SLC8A1: variants seen among roughly 807,000 people sequenced by gnomAD.
SLC8A1 encodes solute carrier family 8 member A1.
In SLC8A1, 18 loss-of-function variants were observed where a neutral mutation model predicts 68.3. The observed-to-expected ratio is 0.26, with a 90% CI of 0.18 to 0.39. The LOEUF (loss-of-function observed/expected upper bound fraction) is 0.39. SLC8A1 is among the 10% of genes least tolerant of loss of function. The pLI, the probability that SLC8A1 is intolerant of heterozygous loss-of-function variation, is 1.00. For missense variants in SLC8A1, 985 were observed against 1,156.7 expected, an observed-to-expected ratio of 0.85 and a Z score of 2.15; for synonymous variants, 475 against 415.5, an observed-to-expected ratio of 1.14 and a Z score of -1.74.
chr2:40,313,734 C>T (rs921310172), intron 2 of SLC8A1, among the ~76,000 whole-genome samples: 2 of 151,998 alleles, frequency 1.3e-5, no homozygotes, highest in Admixed American at 1.3e-4. Context: ...CTACTCTATT[C>T]AGTGTGCATT....
chr2:40,214,442 T>A (rs1344580763), intron 2 of SLC8A1, among the ~76,000 whole-genome samples: 3 of 151,778 alleles, frequency 2.0e-5, no homozygotes. Flanking sequence ...TATCTTTTTT[T>A]TTTTTTTTCC....
chr2:40,305,500 G>A (rs1434869806), intron 2 of SLC8A1, among the ~76,000 whole-genome samples: 1 of 152,116 alleles, frequency 6.6e-6, no homozygotes, highest in East Asian at 1.9e-4. Context: ...ATAACTGAGA[G>A]GATGGATCAA....
At chr2:40,507,893 T>C (rs1391720395) in intron 1 of SLC8A1, among the ~76,000 whole-genome samples, 2 of 152,120 alleles carry the variant, frequency 1.3e-5, no homozygotes, top group Admixed American at 6.6e-5. Flanking sequence ...CATAGATTTG[T>C]CTGAATCTAG....
intron 2 of SLC8A1, among the ~76,000 whole-genome samples, chr2:40,344,586 G>A (rs988249666): frequency 6.6e-6 from 1 of 152,118 alleles, no homozygotes; most frequent in Non-Finnish European, 1.5e-5. Context: ...ATGTCTGGGA[G>A]AAATGTACTC....
At chr2:40,364,470 G>C (rs576672438) in intron 2 of SLC8A1, among the ~76,000 whole-genome samples, 1 of 149,498 alleles carries the variant, frequency 6.7e-6, no homozygotes, top group Admixed American at 6.7e-5. Context: ...ACAATTAGAA[G>C]ATTTCTATGA....
chr2:40,419,606 C>T (rs1398319988), intron 2 of SLC8A1, among the ~76,000 whole-genome samples: 4 of 152,056 alleles, frequency 2.6e-5, no homozygotes, highest in African/African-American at 7.2e-5. Flanking sequence ...ATCCCAGGAA[C>T]ACAGATATAC....
intron 2 of SLC8A1, among the ~76,000 whole-genome samples, chr2:40,282,759 T>A (rs1445406171): frequency 6.6e-6 from 1 of 152,144 alleles, no homozygotes; most frequent in Non-Finnish European, 1.5e-5. Context: ...TCCTGCCCAG[T>A]AACAGAGAAC....
At chr2:40,143,854 GA>G (rs1274612247) in intron 6 of SLC8A1, among the ~76,000 whole-genome samples, 1 of 152,148 alleles carries the variant, frequency 6.6e-6, no homozygotes, top group Non-Finnish European at 1.5e-5. Flanking sequence ...CTGATAACCA[GA>G]AAAAGAGACT....
At chr2:40,115,383 G>A (rs754036235) in exon 8 of SLC8A1, 23 of 1,614,004 alleles carry the variant, frequency 1.4e-5, no homozygotes, top group African/African-American at 2.7e-5. Context: ...TCCGATTTCT[G>A]GCCTCCGCCG....
intron 6 of SLC8A1, among the ~76,000 whole-genome samples, chr2:40,141,246 A>G (rs1036292276): frequency 2.6e-5 from 4 of 152,200 alleles, no homozygotes; most frequent in African/African-American, 7.2e-5. Context: ...TGTGGTAGGC[A>G]AGCCATTGGG....
intron 2 of SLC8A1, among the ~76,000 whole-genome samples, chr2:40,314,162 T>C (rs1055841180): frequency 1.3e-5 from 2 of 152,124 alleles, no homozygotes; most frequent in Admixed American, 1.3e-4. Flanking sequence ...CAGATACATT[T>C]GGAATTTGTG....
At chr2:40,288,227 A>G (rs2068653437) in intron 2 of SLC8A1, among the ~76,000 whole-genome samples, 1 of 152,190 alleles carries the variant, frequency 6.6e-6, no homozygotes, top group African/African-American at 2.4e-5. Flanking sequence ...TTTCACACAT[A>G]TGACCTGAAA....
chr2:40,382,667 C>CTGAAAT (rs113352827), intron 2 of SLC8A1, among the ~76,000 whole-genome samples: 19 of 151,460 alleles, frequency 1.3e-4, no homozygotes, highest in African/African-American at 4.6e-4. Context: ...ACCATCTAAA[C>CTGAAAT]TGAAAATCGT....
chr2:40,130,269 TG>T (rs1402596958), intron 7 of SLC8A1, among the ~76,000 whole-genome samples: 1 of 152,240 alleles, frequency 6.6e-6, no homozygotes, highest in Non-Finnish European at 1.5e-5. Flanking sequence ...CAGGCAGTTA[TG>T]GTGCCATTTA....
At position 40,462,449 on chromosome 2, in the gene SLC8A1, T is replaced by C. The variant is rs558403046; in HGVS notation, c.-24-32145A>G. On this transcript the variant is annotated intron_variant, in intron 1 of 7. Coordinates refer to the SLC8A1 transcript ENST00000402441. ...TAGTGTTAGAAAAATACCTAATGAA[T>C]TTCCTGACAAGTTGGGAATCTTTTC... is the stretch of plus-strand genomic sequence containing the variant. Among the ~76,000 whole-genome samples the C allele has an allele frequency of 5.3e-5, 8 of 152,186 alleles. 1 individual carries two copies. The South Asian group carries it at 1.7e-3, about 32-fold the overall frequency.
At chr2:40,177,622 A>G (rs2048710790) in intron 3 of SLC8A1, 4 of 563,242 alleles carry the variant, frequency 7.1e-6, no homozygotes, top group Non-Finnish European at 1.3e-5. Context: ...TGAAATTGCT[A>G]AAGCTTCAAA....
At position 40,174,631 on chromosome 2, in the gene SLC8A1, C is replaced by T. The variant is rs945267385; in HGVS notation, c.1930+194G>A. 21 of 1,290,724 alleles carry T rather than the reference C, an allele frequency of 1.6e-5. No homozygotes were observed. In the Admixed American group the frequency reaches 3.5e-4, roughly 22 times the overall value. The allele number at this position is 1,290,724 out of a possible 1,614,324, so 80.0% of individuals were successfully genotyped here. A position where few individuals can be genotyped will look rare whatever the true frequency, so the allele number is the denominator to read the frequency against. On this transcript the variant is annotated intron_variant, in intron 4 of 7. Coordinates refer to ENST00000406785, the Ensembl canonical transcript of SLC8A1. ...CACAGTTAAATATTAATGCAAGTTA[C>T]ATAAGATGTAGGTTTGGATTGATGG...
intron 2 of SLC8A1, among the ~76,000 whole-genome samples, chr2:40,386,999 T>G (rs888390161): frequency 3.3e-5 from 5 of 151,318 alleles, no homozygotes; most frequent in African/African-American, 1.2e-4. Context: ...TAGAATATCT[T>G]AAGTAACTTG....
chr2:40,343,706 T>C (rs1031245482), intron 2 of SLC8A1, among the ~76,000 whole-genome samples: 17 of 152,104 alleles, frequency 1.1e-4, no homozygotes, highest in African/African-American at 4.1e-4. Flanking sequence ...AGTTCTGTAG[T>C]GTAAAGGAAA....
Sources: gnomAD v4.1 joint callset for allele counts (sites outside exome capture counted in the v4.1 genomes callset) on GRCh38, gnomAD v4.1.1 for gene constraint, MANE v1.5 for transcripts, NCBI Gene and HGNC (gene_info 2026-07-23, HGNC 2026-07-21) for gene names.